Variants in KCNIP4 observed in about 807,000 individuals in gnomAD.
KCNIP4 encodes the protein potassium voltage-gated channel interacting protein 4, also known as Kv channel-interacting protein 4.
KCNIP4 carries 12 observed loss-of-function variants against 34.0 expected under a neutral mutation model. That is an observed-to-expected ratio of 0.35 (90% CI 0.23 to 0.57). KCNIP4 has a LOEUF of 0.57. KCNIP4 is among the 20% of genes least tolerant of loss of function. KCNIP4 has a pLI of 0.83. For missense variants in KCNIP4, 238 were observed against 311.7 expected (o/e 0.76, Z 1.78); for synonymous variants, 124 against 102.2 (o/e 1.21, Z -1.29).
At chr4:20,838,314 C>T (rs944389124) in intron 3 of KCNIP4, among the ~76,000 whole-genome samples, 1 of 152,102 alleles carries the variant, frequency 6.6e-6, no homozygotes, top group African/African-American at 2.4e-5. Flanking sequence ...TCACACTGCT[C>T]CCAGACTAAA....
At chr4:20,805,477 C>CT (rs1714963619) in intron 3 of KCNIP4, among the ~76,000 whole-genome samples, 1 of 151,826 alleles carries the variant, frequency 6.6e-6, no homozygotes, top group South Asian at 2.1e-4. Flanking sequence ...ATTTTTCTGT[C>CT]TTTTTTTCTT....
chr4:21,585,443 A>C (rs1179620483), intron 1 of KCNIP4, among the ~76,000 whole-genome samples: 2 of 152,150 alleles, frequency 1.3e-5, no homozygotes, highest in Admixed American at 1.3e-4. Flanking sequence ...TTACTTTTAT[A>C]AAATAAAATA....
At chr4:20,862,508 G>A (rs1317200202) in intron 2 of KCNIP4, among the ~76,000 whole-genome samples, 1 of 152,100 alleles carries the variant, frequency 6.6e-6, no homozygotes, top group Non-Finnish European at 1.5e-5. Flanking sequence ...GAGGGATTAT[G>A]AGCAAAGAGA....
chr4:21,065,881 A>G (rs1744340212), intron 1 of KCNIP4, among the ~76,000 whole-genome samples: 1 of 151,164 alleles, frequency 6.6e-6, no homozygotes. Context: ...TCCCATCACG[A>G]CCCCAGAAGA....
intron 1 of KCNIP4, among the ~76,000 whole-genome samples, chr4:21,881,960 T>C (rs1726485192): frequency 6.6e-6 from 1 of 152,104 alleles, no homozygotes; most frequent in South Asian, 2.1e-4. Flanking sequence ...GAAAAGATAC[T>C]ACGCATGGAA....
chr4:21,400,523 CTCTTCTCTTCTCT>C (rs1723435377), intron 1 of KCNIP4, among the ~76,000 whole-genome samples: 1 of 48,392 alleles, frequency 2.1e-5, no homozygotes, highest in Non-Finnish European at 3.8e-5. Flanking sequence ...CTCTTCTCTT[CTCTTCTCTTCTCT>C]TCTCTTCTCT....
At chr4:20,955,428 A>G (rs951606908) in intron 1 of KCNIP4, among the ~76,000 whole-genome samples, 1 of 152,126 alleles carries the variant, frequency 6.6e-6, no homozygotes, top group African/African-American at 2.4e-5. Context: ...GAAGCCTCCA[A>G]TCATCAATTC....
chr4:21,493,691 C>T (rs1732603304), intron 1 of KCNIP4, among the ~76,000 whole-genome samples: 1 of 152,158 alleles, frequency 6.6e-6, no homozygotes, highest in African/African-American at 2.4e-5. Context: ...AAAAGCACTT[C>T]TTTCACATGA....
intron 1 of KCNIP4, among the ~76,000 whole-genome samples, chr4:21,009,945 G>A (rs1006069985): frequency 2.8e-4 from 43 of 152,184 alleles, no homozygotes; most frequent in African/African-American, 9.9e-4. Context: ...AAGACTGGGT[G>A]GCTTAAACAA....
At chr4:21,504,445 G>A (rs1489976319) in intron 1 of KCNIP4, among the ~76,000 whole-genome samples, 1 of 88,640 alleles carries the variant, frequency 1.1e-5, no homozygotes, top group African/African-American at 4.7e-5. Context: ...TCCAGCCTGG[G>A]CAATAGAATG....
chr4:21,662,578 A>C (rs1748534251), intron 1 of KCNIP4, among the ~76,000 whole-genome samples: 1 of 152,264 alleles, frequency 6.6e-6, no homozygotes, highest in African/African-American at 2.4e-5. Context: ...CTTTCTACTT[A>C]GGCCTCCTAT....
chr4:21,019,528 T>G (rs1029680689), intron 1 of KCNIP4, among the ~76,000 whole-genome samples: 2 of 152,276 alleles, frequency 1.3e-5, no homozygotes, highest in Admixed American at 1.3e-4. Context: ...TCTGAGTTAC[T>G]GGGAGTGAGG....
chr4:21,861,497 C>T (rs1339103557), intron 1 of KCNIP4, among the ~76,000 whole-genome samples: 1 of 151,894 alleles, frequency 6.6e-6, no homozygotes, highest in Non-Finnish European at 1.5e-5. Flanking sequence ...ATTAAAAATA[C>T]AAAAATTAGC....
intron 1 of KCNIP4, among the ~76,000 whole-genome samples, chr4:21,624,477 T>C (rs1745194977): frequency 6.6e-6 from 1 of 152,136 alleles, no homozygotes; most frequent in Non-Finnish European, 1.5e-5. Flanking sequence ...ATGGGATAAT[T>C]ATATGATTCA....
intron 1 of KCNIP4, among the ~76,000 whole-genome samples, chr4:21,926,656 T>A (rs1252847417): frequency 1.3e-5 from 2 of 152,174 alleles, no homozygotes; most frequent in Non-Finnish European, 2.9e-5. Context: ...TTCCTATAAG[T>A]CGAGCTTCAA....
At chr4:21,130,880 C>A (rs773604389) in intron 1 of KCNIP4, among the ~76,000 whole-genome samples, 2 of 152,166 alleles carry the variant, frequency 1.3e-5, no homozygotes, top group Non-Finnish European at 2.9e-5. Flanking sequence ...ATATATCCAT[C>A]ATAATTCAAA....
chr4:21,266,075 G>A (rs1761788009), intron 1 of KCNIP4, among the ~76,000 whole-genome samples: 1 of 152,212 alleles, frequency 6.6e-6, no homozygotes, highest in African/African-American at 2.4e-5. Flanking sequence ...TGAAAAATGG[G>A]GGTTTAAAGA....
chr4:21,360,830 T>C (rs1719143619), intron 1 of KCNIP4, among the ~76,000 whole-genome samples: 1 of 152,106 alleles, frequency 6.6e-6, no homozygotes, highest in Admixed American at 6.6e-5. Flanking sequence ...ACGGTCATGT[T>C]TAGACAACAG....
chr4:21,501,688 T>TTGTGTGTGTGTGTGTGTGTGTGTGTGTG lies in KCNIP4; in HGVS notation c.61+446855_61+446882dup, dbSNP rs370071298. ...TTCACATTTTGGGAATGCAGAAGCCTTGTGTGTGTGTGTGTGTGTGTGTGT... is the reference window on the plus strand; with the variant it reads ...TTCACATTTTGGGAATGCAGAAGCCTTGTGTGTGTGTGTGTGTGTGTGTGTGTGTGTGTGTGTGTGTGTGTGTGTGTGT... On this transcript the variant is annotated intron_variant, in intron 1 of 8. Coordinates refer to ENST00000382152, the MANE Select transcript of KCNIP4 (RefSeq NM_025221.6). Among the ~76,000 whole-genome samples the TTGTGTGTGTGTGTGTGTGTGTGTGTGTG allele has an allele frequency of 6.4e-3, 812 of 127,268 alleles. 31 individuals are homozygous for TTGTGTGTGTGTGTGTGTGTGTGTGTGTG. Among genetic ancestry groups the TTGTGTGTGTGTGTGTGTGTGTGTGTGTG allele is most frequent in the Middle Eastern group, 7.8e-3 (2 of 256 alleles). 83.5% of individuals were successfully genotyped at this position (127,268 alleles called of 152,430 possible).
Sources: allele counts gnomAD v4.1 joint callset (sites outside exome capture counted in the v4.1 genomes callset), GRCh38; gene constraint gnomAD v4.1.1; transcripts MANE v1.5; gene names NCBI Gene and HGNC (gene_info 2026-07-23, HGNC 2026-07-21).